Variants in INTS13 observed in about 807,000 individuals in gnomAD.
INTS13 encodes integrator complex subunit 13, also known as asunder, spermatogenesis regulator homolog (Drosphila).
INTS13 carries 35 observed loss-of-function variants against 90.2 expected under a neutral mutation model. The observed-to-expected ratio is 0.39, with a 90% CI of 0.30 to 0.51. INTS13 has a LOEUF of 0.51. Among genes scored for constraint, INTS13 ranks in the 20% least tolerant of loss-of-function variants. The probability of loss-of-function intolerance (pLI) is 0.80; values close to 1 mark genes in which losing one functional copy is unlikely to be tolerated. For synonymous variants in INTS13, 309 were observed against 277.1 expected, an observed-to-expected ratio of 1.11 and a Z score of -1.14; for missense variants, 601 against 851.2, an observed-to-expected ratio of 0.71 and a Z score of 3.66.
Position 26,928,830 on chromosome 12 carries a change from G to A in INTS13, c.376C>T (p.Leu126Phe). The A allele has an allele frequency of 1.9e-6, 3 of 1,614,192 alleles. No individual in the cohort carries two copies. Among genetic ancestry groups the A allele is most frequent in the Non-Finnish European group, 2.5e-6 (3 of 1,180,032 alleles). The change falls in exon 4 of 17, where the codon CTT (leucine) becomes TTT (phenylalanine). Residue 126 changes from leucine to phenylalanine, a missense_variant. Transcript: ENST00000261191. ...CAGAGAGTTTCCACTGCTGCAACAA[G>A]GCCATGCAGAATACTGCAGCACTCT... ...DPECCSILHGLVAAVETLCKI... is the reference protein window; with the variant it reads ...DPECCSILHGFVAAVETLCKI...
At chr12:26,923,017 A>G (rs1937671281) in intron 7 of INTS13, among the ~76,000 whole-genome samples, 1 of 152,166 alleles carries the variant, frequency 6.6e-6, no homozygotes, top group Non-Finnish European at 1.5e-5. Flanking sequence ...TTTTTAATAT[A>G]CAAATATAAT....
Position 26,906,386 on chromosome 12 carries a change from G to C in INTS13, c.1997C>G (p.Ser666Cys). ...TCCAGCAAATTCCTGATGTTTTCTG[G>C]AATTGGCAGTATTGATTCTATTACT... ...LWSNRINTAN[S>C]RKHQEFAGRL... is the part of the protein sequence containing the mutation. The change falls in exon 16 of 17, where the codon TCC (serine) becomes TGC (cysteine). Residue 666 changes from serine to cysteine, a missense_variant. By Grantham distance (112) the Ser-to-Cys change is moderately radical (BLOSUM62 -1). This residue lies in a region of INTS13 where 228 missense variants were observed against 272.5 expected (regional missense o/e 0.84). Transcript: ENST00000261191. 1 of 1,611,168 alleles carries C rather than the reference G, an allele frequency of 6.2e-7. No homozygotes were observed. Among genetic ancestry groups the C allele is most frequent in the Non-Finnish European group, 8.5e-7 (1 of 1,178,502 alleles).
intron 3 of INTS13, among the ~76,000 whole-genome samples, chr12:26,930,216 T>C (rs556517609): frequency 3.0e-4 from 46 of 152,334 alleles, no homozygotes; most frequent in African/African-American, 1.1e-3. Flanking sequence ...GTTAATATTG[T>C]TAAGATGGCC....
intron 6 of INTS13, among the ~76,000 whole-genome samples, chr12:26,925,369 G>C (rs2137517634): frequency 6.6e-6 from 1 of 152,066 alleles, no homozygotes; most frequent in Middle Eastern, 3.4e-3. Context: ...TGGAAAATAA[G>C]ATTTTTCCCT....
intron 15 of INTS13, among the ~76,000 whole-genome samples, chr12:26,909,776 C>T (rs1183877338): frequency 6.6e-6 from 1 of 152,186 alleles, no homozygotes; most frequent in African/African-American, 2.4e-5. Context: ...TGATCTCTGG[C>T]TTCAAAGAAA....
intron 8 of INTS13, among the ~76,000 whole-genome samples, chr12:26,922,397 T>C (rs999543197): frequency 6.6e-6 from 1 of 152,244 alleles, no homozygotes; most frequent in East Asian, 1.9e-4. Flanking sequence ...TCATTCTTAT[T>C]GTTATTGATC....
intron 4 of INTS13, 101 bp from the exon 5 acceptor site, chr12:26,928,386 G>A (rs1938003278): frequency 1.1e-6 from 1 of 922,100 alleles, no homozygotes; most frequent in African/African-American, 1.6e-5. Flanking sequence ...GACATTTAAA[G>A]TTACTTCACT....
At chr12:26,917,854 T>C in intron 8 of INTS13, 121 bp from the exon 9 acceptor site, 2 of 730,782 alleles carry the variant, frequency 2.7e-6, no homozygotes, top group Admixed American at 2.4e-5. Flanking sequence ...CCGGGTGCAG[T>C]GGCTCATGCC....
intron 10 of INTS13, among the ~76,000 whole-genome samples, chr12:26,917,061 T>A (rs944057690): frequency 1.3e-5 from 2 of 151,994 alleles, no homozygotes; most frequent in African/African-American, 4.8e-5. Flanking sequence ...AAGGTCAAAT[T>A]TTTTAAATAA....
At chr12:26,928,419 A>C in intron 4 of INTS13, 134 bp from the exon 5 acceptor site, 1 of 736,694 alleles carries the variant, frequency 1.4e-6, no homozygotes, top group Non-Finnish European at 2.2e-6. Context: ...TAGTGTGCTA[A>C]GTCATACCAC....
At chr12:26,905,644 A>G in intron 16 of INTS13, 108 bp from the exon 17 acceptor site, 2 of 1,076,522 alleles carry the variant, frequency 1.9e-6, no homozygotes, top group Non-Finnish European at 2.7e-6. Context: ...ACAGAACAGA[A>G]CATCAGCATT....
At chr12:26,936,527 T>C (rs564773372) in intron 2 of INTS13, 52 bp downstream of exon 2, 1 of 1,305,334 alleles carries the variant, frequency 7.7e-7, no homozygotes, top group Non-Finnish European at 1.1e-6. Context: ...AATTCATTTA[T>C]GCAGTTAAGT....
intron 4 of INTS13, 100 bp downstream of exon 4, chr12:26,928,603 A>G (rs1299624648): frequency 1.6e-6 from 2 of 1,265,822 alleles, no homozygotes; most frequent in African/African-American, 3.0e-5. Context: ...TAATATGCTT[A>G]AACGTAAACA....
intron 15 of INTS13, among the ~76,000 whole-genome samples, chr12:26,909,073 T>C (rs567177102): frequency 2.1e-4 from 32 of 152,336 alleles, no homozygotes; most frequent in Middle Eastern, 3.4e-3. Context: ...AATACCACCC[T>C]GTGGGGGCTG....
chr12:26,910,328 C>T (rs886159575), intron 15 of INTS13, among the ~76,000 whole-genome samples: 2 of 152,092 alleles, frequency 1.3e-5, no homozygotes, highest in Non-Finnish European at 2.9e-5. Context: ...AAAACACAAA[C>T]TTTATATGCT....
chr12:26,913,725 T>C, intron 13 of INTS13, 38 bp from the exon 14 acceptor site: 2 of 1,505,850 alleles, frequency 1.3e-6, no homozygotes, highest in Non-Finnish European at 1.8e-6. Context: ...TAAATAATAT[T>C]GAAGTGTCAC....
chr12:26,911,328 G>A lies in INTS13; in HGVS notation c.1806-11C>T. ...AAGATTCCTTTTAATCTTTTAGAGGGACAAATAATGAAATGTAAAGTTCAA... is the reference window on the plus strand; with the variant it reads ...AAGATTCCTTTTAATCTTTTAGAGGAACAAATAATGAAATGTAAAGTTCAA... On this transcript the variant is annotated splice_polypyrimidine_tract_variant and intron_variant, in intron 14 of 16. Coordinates refer to ENST00000261191, the MANE Select transcript of INTS13 (RefSeq NM_018164.3). The A allele has an allele frequency of 6.3e-7, 1 of 1,590,420 alleles. No individual in the cohort carries two copies. The highest frequency in any genetic ancestry group is 8.5e-7 in the Non-Finnish European group (1 of 1,172,226).
chr12:26,919,234 G>C (rs911755496), intron 8 of INTS13, among the ~76,000 whole-genome samples: 29 of 152,072 alleles, frequency 1.9e-4, no homozygotes, highest in Middle Eastern at 3.4e-3. Context: ...TCAGGCAAAA[G>C]AACAATGGAT....
rs747735088 is a variant in INTS13 at position 26,913,698 on chromosome 12, G to A, written c.1575-11C>T. 4 of 1,585,142 alleles carry A rather than the reference G, an allele frequency of 2.5e-6. No homozygotes were observed. The highest frequency in any genetic ancestry group is 2.6e-6 in the Non-Finnish European group (3 of 1,160,348). ...CGGTATTGTTCATCTCTGCAGCAAA[G>A]ATTTGGAAATACTCTTTAAATAATA... On this transcript the variant is annotated splice_polypyrimidine_tract_variant and intron_variant, in intron 13 of 16. Coordinates refer to ENST00000261191, the MANE Select transcript of INTS13 (RefSeq NM_018164.3).
Sources: gnomAD v4.1 joint callset for allele counts (sites outside exome capture counted in the v4.1 genomes callset) on GRCh38, gnomAD v4.1.1 for gene constraint, gnomAD v4.1.1 regional missense constraint, MANE v1.5 for transcripts, NCBI Gene and HGNC (gene_info 2026-07-23, HGNC 2026-07-21) for gene names.